Variants in PRKN observed in about 807,000 individuals in gnomAD.
PRKN encodes parkin RBR E3 ubiquitin protein ligase, also known as E3 ubiquitin-protein ligase parkin.
In PRKN, 56 loss-of-function variants were observed where a neutral mutation model predicts 59.5. The observed-to-expected ratio is 0.94, with a 90% confidence interval of 0.76 to 1.18. The LOEUF (loss-of-function observed/expected upper bound fraction) is 1.18, where lower values mean the gene tolerates loss of function less well. Among genes scored for constraint, PRKN ranks in the 50% most tolerant of loss-of-function variants. The pLI is 0.00. For missense variants in PRKN, 657 were observed against 596.4 expected (o/e 1.10, Z -1.06); for synonymous variants, 250 against 222.1 (o/e 1.13, Z -1.12).
At chr6:162,550,307 C>T (rs936427690) in intron 1 of PRKN, among the ~76,000 whole-genome samples, 2 of 151,982 alleles carry the variant, frequency 1.3e-5, no homozygotes, top group Non-Finnish European at 1.5e-5. Context: ...AAGGGCTGTC[C>T]CAAGGGAGAA....
intron 4 of PRKN, among the ~76,000 whole-genome samples, chr6:162,068,023 G>A (rs2187209): frequency 0.81 from 123,235 of 151,758 alleles, 50,249 homozygotes; most frequent in East Asian, 0.88. Context: ...AGATGTCACC[G>A]TCATGTCAGG....
chr6:162,147,109 G>A (rs1041795035), intron 4 of PRKN, among the ~76,000 whole-genome samples: 1 of 150,756 alleles, frequency 6.6e-6, no homozygotes, highest in African/African-American at 2.4e-5. Context: ...GGGAGGCTGA[G>A]GTGGGAGGAT....
chr6:162,668,603 C>T (rs1337512916), intron 1 of PRKN, among the ~76,000 whole-genome samples: 1 of 152,118 alleles, frequency 6.6e-6, no homozygotes, highest in Non-Finnish European at 1.5e-5. Flanking sequence ...GGGGGCGCAG[C>T]AGAACCATCC....
chr6:162,036,281 G>A (rs1374498854), intron 5 of PRKN, among the ~76,000 whole-genome samples: 3 of 151,792 alleles, frequency 2.0e-5, no homozygotes, highest in South Asian at 4.2e-4. Flanking sequence ...CCGAGATCAC[G>A]CCACTGCACT....
In PRKN at chr6:161,409,598, A is replaced by G. The variant is rs1318117603; in HGVS notation, c.1084-22721T>C. On this transcript the variant is annotated intron_variant, in intron 9 of 11. Coordinates refer to ENST00000366898, the MANE Select transcript of PRKN (RefSeq NM_004562.3). The surrounding 1 kb of genome is among the most constrained non-coding windows in gnomAD (Gnocchi z 4.6). Reference sequence around the variant, plus strand: ...GATTGCCAGAATGTTCAGTGGAATCACATAAGGCCGTCACTATAAAAATGA... The same window carrying G: ...GATTGCCAGAATGTTCAGTGGAATCGCATAAGGCCGTCACTATAAAAATGA... Among the ~76,000 whole-genome samples the G allele has an allele frequency of 6.6e-6, 1 of 152,198 alleles. No homozygotes were observed. Among genetic ancestry groups the G allele is most frequent in the Non-Finnish European group, 1.5e-5 (1 of 68,042 alleles).
At position 162,275,013 on chromosome 6, in the gene PRKN, G is replaced by C. The variant is rs151307095; in HGVS notation, c.172-12248C>G. On this transcript the variant is annotated intron_variant, in intron 2 of 11. Coordinates refer to ENST00000366898, the MANE Select transcript of PRKN (RefSeq NM_004562.3). ...AGAGAATGGTGTGAACCTGGGAGGT[G>C]GAGCTTGCAGTGAGTGGAGATTGCA... 794 of 150,414 alleles carry C rather than the reference G, an allele frequency of 5.3e-3. 5 individuals are homozygous for C. Among genetic ancestry groups the C allele is most frequent in the Middle Eastern group, 0.01 (3 of 294 alleles). 9.3% of individuals were successfully genotyped at this position (150,414 alleles called of 1,614,324 possible). A position where few individuals can be genotyped will look rare whatever the true frequency, so the allele number is the denominator to read the frequency against.
intron 10 of PRKN, among the ~76,000 whole-genome samples, chr6:161,383,851 G>A (rs377741356): frequency 3.9e-5 from 6 of 152,216 alleles, no homozygotes; most frequent in African/African-American, 7.2e-5. Flanking sequence ...AATCAGAGAC[G>A]TAGGAAAACA....
At chr6:162,538,444 C>G (rs181162647) in intron 1 of PRKN, among the ~76,000 whole-genome samples, 1 of 151,824 alleles carries the variant, frequency 6.6e-6, no homozygotes, top group Middle Eastern at 3.4e-3. Context: ...ATCTAAATAC[C>G]TAAAGGCAAC....
chr6:161,685,938 G>A (rs1785534549), intron 7 of PRKN, among the ~76,000 whole-genome samples: 1 of 152,090 alleles, frequency 6.6e-6, no homozygotes, highest in South Asian at 2.1e-4. Context: ...CCAGGCCTGT[G>A]GCTCATCATA....
chr6:161,431,859 C>T (rs1788661731), intron 9 of PRKN, among the ~76,000 whole-genome samples: 1 of 152,214 alleles, frequency 6.6e-6, no homozygotes, highest in African/African-American at 2.4e-5. Context: ...GCAATCCACA[C>T]CCGCCTTAGC....
At chr6:162,015,200 G>C (rs1460385946) in intron 5 of PRKN, among the ~76,000 whole-genome samples, 2 of 152,124 alleles carry the variant, frequency 1.3e-5, no homozygotes, top group African/African-American at 4.8e-5. Context: ...GAAATGTTAG[G>C]CTAACAAATC....
intron 7 of PRKN, among the ~76,000 whole-genome samples, chr6:161,752,878 C>T (rs547321607): frequency 6.6e-6 from 1 of 151,972 alleles, no homozygotes; most frequent in South Asian, 2.1e-4. Flanking sequence ...ACTTTGGGAG[C>T]AGGAATCAAC....
At chr6:162,274,635 A>G (rs1440456357) in intron 2 of PRKN, among the ~76,000 whole-genome samples, 5 of 152,168 alleles carry the variant, frequency 3.3e-5, no homozygotes, top group African/African-American at 1.2e-4. Flanking sequence ...TTGCTTTTAC[A>G]AGTTCCCTCA....
chr6:161,870,511 T>C (rs1264670398), intron 6 of PRKN, among the ~76,000 whole-genome samples: 1 of 152,164 alleles, frequency 6.6e-6, no homozygotes, highest in Non-Finnish European at 1.5e-5. Flanking sequence ...GAATTATGTA[T>C]GCCACTGTTT....
At chr6:162,601,939 G>C (rs2128216947) in intron 1 of PRKN, among the ~76,000 whole-genome samples, 2 of 152,280 alleles carry the variant, frequency 1.3e-5, no homozygotes, top group Middle Eastern at 6.8e-3. Context: ...CTCACCTGAA[G>C]ACTCATTTAT....
rs756485517 is a variant in PRKN at position 161,442,804 on chromosome 6, C to A, written c.1084-55927G>T. The stretch of plus-strand genomic sequence containing the variant: ...TCTGCCAGGAAGCAAAAGAGAGGTT[C>A]TCTTCCCTTTCATTTTGGACATCGT... On this transcript the variant is annotated intron_variant, in intron 9 of 11. Transcript: ENST00000366898. This position sits in a 1 kb window ranked among gnomAD's most constrained non-coding sequence, Gnocchi z 4.6. Among the ~76,000 whole-genome samples, 11 of 152,228 alleles carry A rather than the reference C, an allele frequency of 7.2e-5. No homozygotes were observed. Among genetic ancestry groups the A allele is most frequent in the Non-Finnish European group, 1.5e-4 (10 of 68,044 alleles).
At chr6:162,458,916 G>C (rs200312948) in intron 1 of PRKN, among the ~76,000 whole-genome samples, 1 of 152,064 alleles carries the variant, frequency 6.6e-6, no homozygotes, top group Non-Finnish European at 1.5e-5. Context: ...TGCCTCCCAG[G>C]CTCAAGGGAT....
At chr6:161,988,132 A>G (rs1338529999) in intron 5 of PRKN, among the ~76,000 whole-genome samples, 3 of 152,130 alleles carry the variant, frequency 2.0e-5, no homozygotes, top group Non-Finnish European at 2.9e-5. Context: ...GCCTTCCATC[A>G]CTGTTGGGGA....
At chr6:162,073,529 G>T (rs2128291489) in intron 4 of PRKN, among the ~76,000 whole-genome samples, 1 of 152,258 alleles carries the variant, frequency 6.6e-6, no homozygotes, top group East Asian at 1.9e-4. Context: ...ATGGCTCACT[G>T]CAGCCAAAAC....
Sources: gnomAD v4.1 joint callset for allele counts (sites outside exome capture counted in the v4.1 genomes callset) on GRCh38, gnomAD v4.1.1 for gene constraint, Gnocchi (gnomAD v3.1) non-coding constraint, MANE v1.5 for transcripts, NCBI Gene and HGNC (gene_info 2026-07-23, HGNC 2026-07-21) for gene names.